The following ASTN2 variants were observed in gnomAD, a reference collection of about 807,000 sequenced individuals.
ASTN2 encodes the protein astrotactin-2.
Under a neutral mutation model 139.8 loss-of-function variants are expected in ASTN2, and 54 were observed. The observed-to-expected ratio is 0.39, with a 90% CI of 0.31 to 0.48. The LOEUF is 0.48. Among genes scored for constraint, ASTN2 ranks in the 20% least tolerant of loss-of-function variants. The probability of loss-of-function intolerance (pLI) is 0.95; values close to 1 mark genes in which losing one functional copy is unlikely to be tolerated. For synonymous variants in ASTN2, 756 were observed against 719.5 expected (o/e 1.05, Z -0.81); for missense variants, 1,565 against 1,725.1 (o/e 0.91, Z 1.64).
chr9:116,505,924 C>T (rs1228257994), intron 19 of ASTN2, among the ~76,000 whole-genome samples: 1 of 152,186 alleles, frequency 6.6e-6, no homozygotes, highest in Non-Finnish European at 1.5e-5. Flanking sequence ...GGTCTCTGCT[C>T]AAACATCACA....
intron 3 of ASTN2, among the ~76,000 whole-genome samples, chr9:117,204,773 C>G (rs1381295710): frequency 6.6e-6 from 1 of 152,230 alleles, no homozygotes; most frequent in African/African-American, 2.4e-5. Flanking sequence ...CAAACAACAA[C>G]AAAAAGAAAA....
At chr9:116,445,148 G>C (rs888221359) in intron 20 of ASTN2, among the ~76,000 whole-genome samples, 21 of 152,244 alleles carry the variant, frequency 1.4e-4, no homozygotes, top group African/African-American at 5.1e-4. Flanking sequence ...TAGGCACACA[G>C]TAGGCACTTG....
At chr9:117,369,920 G>A (rs1829944322) in intron 1 of ASTN2, among the ~76,000 whole-genome samples, 1 of 152,024 alleles carries the variant, frequency 6.6e-6, no homozygotes, top group Non-Finnish European at 1.5e-5. Context: ...GTCTTTTGGG[G>A]ATTCCACAGG....
At chr9:116,515,001 T>C (rs1385445125) in intron 19 of ASTN2, among the ~76,000 whole-genome samples, 1 of 151,984 alleles carries the variant, frequency 6.6e-6, no homozygotes, top group African/African-American at 2.4e-5. Context: ...GCACCCACTG[T>C]CCTGCACCCA....
chr9:116,620,759 A>C (rs1856101072), intron 17 of ASTN2, among the ~76,000 whole-genome samples: 1 of 152,200 alleles, frequency 6.6e-6, no homozygotes. Context: ...AGATATTATT[A>C]TTATAATTTC....
chr9:116,663,394 G>A (rs1858677376), intron 16 of ASTN2, among the ~76,000 whole-genome samples: 1 of 152,130 alleles, frequency 6.6e-6, no homozygotes, highest in Non-Finnish European at 1.5e-5. Context: ...GGAACCATTA[G>A]TCAGTTAAGG....
At chr9:116,456,585 G>T (rs1487817744) in intron 20 of ASTN2, among the ~76,000 whole-genome samples, 1 of 152,172 alleles carries the variant, frequency 6.6e-6, no homozygotes, top group East Asian at 1.9e-4. Flanking sequence ...AATCATGGTG[G>T]AAAGTAAGGT....
chr9:116,465,918 A>G (rs1221798509), intron 20 of ASTN2, among the ~76,000 whole-genome samples: 4 of 152,334 alleles, frequency 2.6e-5, no homozygotes, highest in African/African-American at 7.2e-5. Flanking sequence ...ACTGACATGC[A>G]GTAATCCTGA....
At chr9:117,351,562 A>T (rs1405866362) in intron 1 of ASTN2, among the ~76,000 whole-genome samples, 1 of 152,094 alleles carries the variant, frequency 6.6e-6, no homozygotes, top group Admixed American at 6.5e-5. Flanking sequence ...AACAATAAAA[A>T]CTGTTTCTCC....
rs111440923 is a variant in ASTN2 at position 116,871,736 on chromosome 9, C to T, written c.1890-8003G>A. Reference sequence around the variant, plus strand: ...TAGTTGGTGGACATTTTGGTTGTTTCCACTTTTCAGTTACTATGACTAATG... The same window carrying T: ...TAGTTGGTGGACATTTTGGTTGTTTTCACTTTTCAGTTACTATGACTAATG... On this transcript the variant is annotated intron_variant, in intron 10 of 22. Transcript: ENST00000313400. 7.3e-3 allele frequency among the ~76,000 whole-genome samples: 1,107 copies of T among 152,292 alleles called. 9 individuals carry two copies. The highest frequency in any genetic ancestry group is 0.022 in the African/African-American group (924 of 41,570).
intron 1 of ASTN2, among the ~76,000 whole-genome samples, chr9:117,395,242 G>T (rs936001203): frequency 6.6e-6 from 1 of 152,016 alleles, no homozygotes; most frequent in East Asian, 1.9e-4. Context: ...CCCAAATGCC[G>T]CCCCCACTGT....
intron 1 of ASTN2, among the ~76,000 whole-genome samples, chr9:117,355,008 G>A (rs943096635): frequency 6.6e-6 from 1 of 151,942 alleles, no homozygotes; most frequent in African/African-American, 2.4e-5. Context: ...TAAGCTCCTT[G>A]TCCTGTTTTT....
At chr9:117,200,972 G>A (rs11506910) in intron 3 of ASTN2, among the ~76,000 whole-genome samples, 41,846 of 144,138 alleles carry the variant, frequency 0.29, 7,738 homozygotes, top group Middle Eastern at 0.42. Context: ...ATAGAATTCA[G>A]CTATGAAACC....
chr9:117,232,309 C>T (rs377504429), intron 2 of ASTN2, among the ~76,000 whole-genome samples: 1 of 152,212 alleles, frequency 6.6e-6, no homozygotes. Context: ...AGATAAATTT[C>T]CCCCAAATCT....
At chr9:116,692,823 C>A (rs184103246) in intron 16 of ASTN2, among the ~76,000 whole-genome samples, 3 of 152,262 alleles carry the variant, frequency 2.0e-5, no homozygotes. Context: ...ATCATCACAG[C>A]TCACTGCAAC....
rs148424443 is a variant in ASTN2, at chr9:116,941,140, G to A, written c.1889+34068C>T. ...GCATTTCTCAGAACAAATCCCTTTC[G>A]CTGAGTGACACATGTCTGCAGAAGA... On this transcript the variant is annotated intron_variant, in intron 10 of 22. Coordinates refer to ENST00000313400, the MANE Select transcript of ASTN2 (RefSeq NM_001365068.1). 6.0e-5 allele frequency among the ~76,000 whole-genome samples: 9 copies of A among 151,254 alleles called. No individual in the cohort carries two copies. The South Asian group carries it at 1.5e-3, about 25-fold the overall frequency.
At chr9:117,040,003 T>C (rs369120078) in intron 5 of ASTN2, 38 bp from the exon 6 acceptor site, 10 of 1,562,226 alleles carry the variant, frequency 6.4e-6, no homozygotes, top group Middle Eastern at 1.7e-4. Context: ...CAAAATTCCA[T>C]GAGGTGAGGA....
chr9:116,852,034 C>T (rs754974272), intron 11 of ASTN2, among the ~76,000 whole-genome samples: 1 of 152,152 alleles, frequency 6.6e-6, no homozygotes, highest in Non-Finnish European at 1.5e-5. Flanking sequence ...TGTTGAGAAA[C>T]AGGGTCCCTT....
chr9:116,459,761 G>A (rs1412418330), intron 20 of ASTN2, among the ~76,000 whole-genome samples: 1 of 152,002 alleles, frequency 6.6e-6, no homozygotes, highest in Non-Finnish European at 1.5e-5. Flanking sequence ...GCAAGTGTTA[G>A]CAAGGATATG....
Sources: gnomAD v4.1 joint callset for allele counts (sites outside exome capture counted in the v4.1 genomes callset) on GRCh38, gnomAD v4.1.1 for gene constraint, MANE v1.5 for transcripts, NCBI Gene and HGNC (gene_info 2026-07-23, HGNC 2026-07-21) for gene names.